Variants in LAS1L observed in about 807,000 individuals in gnomAD.
LAS1L encodes the protein ribosomal biogenesis protein LAS1L.
A neutral mutation model predicts 57.3 loss-of-function variants in LAS1L; 5 were observed. The observed-to-expected ratio is 0.09, with a 90% confidence interval of 0.05 to 0.18. LAS1L has a LOEUF of 0.18. Ranked by LOEUF, LAS1L falls within the 10% of genes least tolerant of loss-of-function variation. LAS1L has a pLI of 1.00. For missense variants in LAS1L, 360 were observed against 568.3 expected (o/e 0.63, Z 3.73); for synonymous variants, 245 against 231.7 (o/e 1.06, Z -0.52).
In LAS1L at chrX:65,534,576, C is replaced by T; in HGVS notation, c.140G>A (p.Ser47Asn). The T allele has an allele frequency of 7.5e-6, 9 of 1,207,830 alleles. No homozygotes were observed. The highest frequency in any genetic ancestry group is 1.0e-5 in the Non-Finnish European group (9 of 893,392). ...CGTCACCTGGTCCCACTCGGCCCTGCTGAGCCAGGCGACCACGATGCCGTG... is the reference window on the plus strand; with the variant it reads ...CGTCACCTGGTCCCACTCGGCCCTGTTGAGCCAGGCGACCACGATGCCGTG... ...SAHGIVVAWLSRAEWDQVTVY... is the reference protein window; with the variant it reads ...SAHGIVVAWLNRAEWDQVTVY... The change falls in exon 1 of 14, where the codon AGC becomes AAC. Residue 47 changes from serine to asparagine, a missense_variant. Physicochemically the swap from Ser to Asn is conservative, Grantham distance 46 (BLOSUM62 1). Coordinates refer to ENST00000374811, the MANE Select transcript of LAS1L (RefSeq NM_031206.7).
intron 1 of LAS1L, 113 bp downstream of exon 1, chrX:65,534,367 A>G: frequency 1.8e-6 from 1 of 560,792 alleles, no homozygotes; most frequent in Non-Finnish European, 2.8e-6. Flanking sequence ...GGAGAGGGAC[A>G]ACTTTAGGCG....
intron 11 of LAS1L, chrX:65,523,225 G>A (rs948337006): frequency 3.9e-5 from 7 of 179,347 alleles, no homozygotes; most frequent in Non-Finnish European, 6.2e-5. Context: ...AAACAGCACT[G>A]GGCTTGGAGT....
In LAS1L at chrX:65,512,844, G is replaced by C. The variant is rs143742726; in HGVS notation, c.2136C>G (p.Ser712Arg). Residue 712 changes from serine (S) to arginine (R), a missense_variant, in exon 14 of 14, where the codon AGC becomes AGG. Around this residue, in one of 7 missense-constraint regions of LAS1L, gnomAD observed 123 missense variants for 168.3 expected, o/e 0.73. Coordinates refer to ENST00000374811, the MANE Select transcript of LAS1L (RefSeq NM_031206.7). ...GGCTCCAGAGAAGGCCCTCGAAGTT[G>C]CTGCTGCTGCTGTTGCTGCAGTTGC... Reference protein sequence around the residue: ...GSGNCSNSSSSNFEGLLWSQG... With the variant: ...GSGNCSNSSSRNFEGLLWSQG... 8.4e-5 allele frequency: 98 copies of C among 1,162,549 alleles called. No homozygotes were observed. Among genetic ancestry groups the C allele is most frequent in the Middle Eastern group, 2.3e-4 (1 of 4,290 alleles).
At chrX:65,529,939 CTCA>C in intron 4 of LAS1L, 61 bp from the exon 5 acceptor site, 1 of 1,069,697 alleles carries the variant, frequency 9.3e-7, no homozygotes, top group East Asian at 3.0e-5. Context: ...GGCCTCCAGC[CTCA>C]TCTTGTGGGT....
At position 65,534,595 on chromosome X, in the gene LAS1L, T is replaced by C. The variant is rs1431178861; in HGVS notation, c.121A>G (p.Ile41Val). 2 of 1,205,637 alleles carry C rather than the reference T, an allele frequency of 1.7e-6. No individual in the cohort carries two copies. Among genetic ancestry groups the C allele is most frequent in the African/African-American group, 3.5e-5 (2 of 57,750 alleles). Residue 41 changes from isoleucine to valine, a missense_variant, in exon 1 of 14, where the codon ATC (isoleucine) becomes GTC (valine). Physicochemically the swap from Ile to Val is conservative, Grantham distance 29. This residue lies in a region of LAS1L where 25 missense variants were observed against 38.2 expected (regional missense o/e 0.65). Transcript: ENST00000374811. ...GCCCTGCTGAGCCAGGCGACCACGA[T>C]GCCGTGGGCCGAGAGTGGCAACGAC... The part of the protein sequence containing the change: ...KGSLPLSAHG[I>V]VVAWLSRAEW...
Position 65,512,893 on chromosome X carries a change from C to A in LAS1L, c.2087G>T (p.Gly696Val), listed in dbSNP as rs1161259414. The change falls in exon 14 of 14, where the codon GGC (glycine) becomes GTC (valine). Residue 696 changes from glycine (G) to valine (V), a missense_variant. Gly to Val is a moderately radical substitution (Grantham distance 109, BLOSUM62 -3). This residue lies in a region of LAS1L where 123 missense variants were observed against 168.3 expected (regional missense o/e 0.73). Coordinates refer to ENST00000374811, the MANE Select transcript of LAS1L (RefSeq NM_031206.7). ...GCCACTGCCGACACCACAGCTCAGG[C>A]CCAAGGTGCTGAGGAGAGAGTGGGA... The part of the protein sequence containing the change: ...EPSTCKTDTL[G>V]LSCGVGSGNC... The A allele has an allele frequency of 2.6e-6, 3 of 1,164,947 alleles. No individual in the cohort carries two copies. Among genetic ancestry groups the A allele is most frequent in the Non-Finnish European group, 3.4e-6 (3 of 871,830 alleles).
chrX:65,516,793 G>A (rs1429849141), intron 12 of LAS1L, among the ~76,000 whole-genome samples: 2 of 110,212 alleles, frequency 1.8e-5, no homozygotes, highest in Non-Finnish European at 3.8e-5. Context: ...GCAGGTACAG[G>A]AACATGCCCA....
At chrX:65,528,489 T>C in intron 6 of LAS1L, 120 bp from the exon 7 acceptor site, 1 of 435,058 alleles carries the variant, frequency 2.3e-6, no homozygotes, top group Admixed American at 4.0e-5. Context: ...GGGCAGGGCA[T>C]GCAGGGGGGG....
At chrX:65,530,938 G>A (rs1166170844) in intron 4 of LAS1L, among the ~76,000 whole-genome samples, 1 of 110,900 alleles carries the variant, frequency 9.0e-6, no homozygotes, top group Non-Finnish European at 1.9e-5. Flanking sequence ...AGCCAAGGTC[G>A]TGCCACTGCA....
Position 65,532,557 on chromosome X carries a change from G to C in LAS1L, c.432+4C>G, listed in dbSNP as rs2069553141. On this transcript the variant is annotated splice_donor_region_variant and intron_variant, in intron 3 of 13. Coordinates refer to ENST00000374811, the MANE Select transcript of LAS1L (RefSeq NM_031206.7). Reference sequence around the variant, plus strand: ...ATTGAGCAAGTTCACTGAATCATACGCACCTCTTGAGCCAGACACTTGAGG... The same window carrying C: ...ATTGAGCAAGTTCACTGAATCATACCCACCTCTTGAGCCAGACACTTGAGG... The C allele has an allele frequency of 2.5e-6, 3 of 1,197,525 alleles. No homozygotes were observed. Among genetic ancestry groups the C allele is most frequent in the Non-Finnish European group, 3.4e-6 (3 of 882,390 alleles).
chrX:65,528,171 T>C, intron 7 of LAS1L, 89 bp downstream of exon 7: 1 of 557,846 alleles, frequency 1.8e-6, no homozygotes, highest in Non-Finnish European at 3.0e-6. Flanking sequence ...CAGCAGAGGT[T>C]GGCAAGCTAG....
intron 11 of LAS1L, chrX:65,520,442 G>C: frequency 5.3e-6 from 4 of 753,763 alleles, no homozygotes; most frequent in Non-Finnish European, 6.3e-6. Flanking sequence ...ATTTCCAATA[G>C]TATCTTTTAT....
At chrX:65,513,909 C>T (rs904894640) in intron 13 of LAS1L, among the ~76,000 whole-genome samples, 1 of 112,412 alleles carries the variant, frequency 8.9e-6, no homozygotes, top group African/African-American at 3.2e-5. Context: ...CCTGGCTTCC[C>T]CAGCTGCCAC....
At chrX:65,516,613 C>T (rs998026148) in intron 12 of LAS1L, among the ~76,000 whole-genome samples, 1 of 102,790 alleles carries the variant, frequency 9.7e-6, no homozygotes, top group African/African-American at 3.7e-5. Flanking sequence ...GACTTAACTG[C>T]CCCTACTTTT....
intron 9 of LAS1L, 95 bp from the exon 10 acceptor site, chrX:65,524,357 T>C: frequency 5.7e-6 from 4 of 698,254 alleles, no homozygotes; most frequent in Non-Finnish European, 8.9e-6. Flanking sequence ...AGAAAGGAAG[T>C]GAGAGTGAGA....
At chrX:65,520,412 A>T (rs1372803817) in intron 11 of LAS1L, 1 of 747,466 alleles carries the variant, frequency 1.3e-6, no homozygotes, top group Non-Finnish European at 1.6e-6. Flanking sequence ...AAAAAAACAC[A>T]GCACCATGCC....
intron 7 of LAS1L, among the ~76,000 whole-genome samples, chrX:65,526,518 T>G (rs2148298358): frequency 9.0e-6 from 1 of 111,521 alleles, no homozygotes; most frequent in Non-Finnish European, 1.9e-5. Context: ...ACGAGTATCC[T>G]GGACATGAAG....
rs745690080 is a variant in LAS1L, at chrX:65,533,747, C to T, written c.237-12G>A. On this transcript the variant is annotated splice_polypyrimidine_tract_variant and intron_variant, in intron 1 of 13. Coordinates refer to ENST00000374811, the MANE Select transcript of LAS1L (RefSeq NM_031206.7). ...GTTCGTTGCCTGACCTAAAGGGTCA[C>T]AGTCCAGCACCATCATAAAGAGCCC... The T allele has an allele frequency of 1.7e-6, 2 of 1,207,503 alleles. No homozygotes were observed. The highest frequency in any genetic ancestry group is 3.0e-5 in the East Asian group (1 of 33,743).
Position 65,514,918 on chromosome X carries a change from G to T in LAS1L, c.1983C>A (p.Asp661Glu). ...PLGRMPGQTE[D>E]PAELMLENYD... ...AATTCTCCAGCATGAGCTCTGCTGG[G>T]TCCTCGGTCTGACCTGGCATTCGGC... Residue 661 changes from aspartate (D) to glutamate (E), a missense_variant, in exon 13 of 14, where the codon GAC (aspartate) becomes GAA (glutamate). This residue lies in a region of LAS1L where 123 missense variants were observed against 168.3 expected (regional missense o/e 0.73). Transcript: ENST00000374811. 8.3e-7 allele frequency: 1 copy of T among 1,209,900 alleles called. No individual in the cohort carries two copies.
Sources: allele counts gnomAD v4.1 joint callset (sites outside exome capture counted in the v4.1 genomes callset), GRCh38; gene constraint gnomAD v4.1.1; regional missense constraint gnomAD v4.1.1; transcripts MANE v1.5; gene names NCBI Gene and HGNC (gene_info 2026-07-23, HGNC 2026-07-21).